PWP1: variants seen among roughly 807,000 people sequenced by gnomAD.
PWP1 encodes the protein periodic tryptophan protein 1 homolog.
PWP1 carries 47 observed loss-of-function variants against 69.9 expected under a neutral mutation model. The observed-to-expected ratio is 0.67, with a 90% CI of 0.53 to 0.86. The LOEUF is 0.86. PWP1 is among the 40% of genes least tolerant of loss of function. The probability of loss-of-function intolerance (pLI) is 0.00; values close to 1 mark genes in which losing one functional copy is unlikely to be tolerated. For synonymous variants in PWP1, 222 were observed against 208.2 expected, an observed-to-expected ratio of 1.07 and a Z score of -0.57; for missense variants, 551 against 608.8, an observed-to-expected ratio of 0.91 and a Z score of 1.00.
chr12:107,711,015 G>A (rs747495210), intron 14 of PWP1, among the ~76,000 whole-genome samples: 1 of 152,134 alleles, frequency 6.6e-6, no homozygotes, highest in Non-Finnish European at 1.5e-5. Flanking sequence ...TGGGAAATCA[G>A]GGGTCTCACA....
intron 1 of PWP1, among the ~76,000 whole-genome samples, chr12:107,687,883 T>C (rs1262896919): frequency 6.6e-6 from 1 of 151,234 alleles, no homozygotes; most frequent in Non-Finnish European, 1.5e-5. Flanking sequence ...ATACAAAAAT[T>C]AGCTGGGCGT....
chr12:107,692,514 T>G (rs1889499910), intron 3 of PWP1, among the ~76,000 whole-genome samples: 1 of 152,214 alleles, frequency 6.6e-6, no homozygotes, highest in Non-Finnish European at 1.5e-5. Context: ...TGCAGGGAGC[T>G]AGCTAGAGAA....
In PWP1 at chr12:107,702,988, C is replaced by T. The variant is rs766392451; in HGVS notation, c.860C>T (p.Ser287Phe). The T allele has an allele frequency of 5.0e-6, 8 of 1,612,286 alleles. No homozygotes were observed. In the Admixed American group the frequency reaches 1.2e-4, roughly 24 times the overall value. The change falls in exon 9 of 15, where the codon TCC becomes TTC. Residue 287 changes from serine (S) to phenylalanine (F), a missense_variant. Transcript: ENST00000412830. ...AACACTGTAATTCTGTGGGATATGTCCTTGGGGAAACCAGCAGCTAGCCTC... is the reference window on the plus strand; with the variant it reads ...AACACTGTAATTCTGTGGGATATGTTCTTGGGGAAACCAGCAGCTAGCCTC... ...ADNTVILWDMSLGKPAASLAV... is the reference protein window; with the variant it reads ...ADNTVILWDMFLGKPAASLAV...
At chr12:107,707,449 G>A (rs1307727549) in intron 11 of PWP1, among the ~76,000 whole-genome samples, 5 of 152,222 alleles carry the variant, frequency 3.3e-5, no homozygotes, top group African/African-American at 1.2e-4. Flanking sequence ...TAGGAGTGGT[G>A]AGAGAGGGCA....
intron 8 of PWP1, among the ~76,000 whole-genome samples, chr12:107,700,744 ATAC>A (rs1889691999): frequency 6.6e-6 from 1 of 152,188 alleles, no homozygotes; most frequent in African/African-American, 2.4e-5. Context: ...AGGAGCCACC[ATAC>A]TATTTTCCAT....
chr12:107,690,723 A>T (rs977845448), intron 3 of PWP1, among the ~76,000 whole-genome samples: 1 of 151,968 alleles, frequency 6.6e-6, no homozygotes, highest in Non-Finnish European at 1.5e-5. Flanking sequence ...GGCCTGAAAA[A>T]CTCCAGCAAT....
intron 7 of PWP1, among the ~76,000 whole-genome samples, chr12:107,698,160 G>A (rs1437193533): frequency 6.6e-6 from 1 of 152,110 alleles, no homozygotes; most frequent in Non-Finnish European, 1.5e-5. Context: ...TCAGGAGTTC[G>A]AGACCAGCCT....
At chr12:107,699,511 T>C in intron 8 of PWP1, 77 bp downstream of exon 8, 2 of 1,200,344 alleles carry the variant, frequency 1.7e-6, no homozygotes, top group South Asian at 2.6e-5. Context: ...CACTCATCTC[T>C]TTATTTGTGC....
intron 8 of PWP1, among the ~76,000 whole-genome samples, chr12:107,702,117 G>GTTGT (rs1424601726): frequency 6.6e-6 from 1 of 152,132 alleles, no homozygotes; most frequent in Non-Finnish European, 1.5e-5. Context: ...GTAGCACATT[G>GTTGT]TTGTGATTGC....
intron 11 of PWP1, among the ~76,000 whole-genome samples, chr12:107,706,596 C>T (rs1593149335): frequency 6.6e-6 from 1 of 152,300 alleles, no homozygotes; most frequent in Admixed American, 6.5e-5. Flanking sequence ...AGGAAGGGAT[C>T]CAGTTTCAGC....
chr12:107,709,084 A>C (rs139441642), intron 12 of PWP1, 27 bp from the exon 13 acceptor site: 27 of 1,613,698 alleles, frequency 1.7e-5, no homozygotes, highest in Non-Finnish European at 2.0e-5. Context: ...TTTCAAAGCG[A>C]AAGTGTCTAA....
intron 3 of PWP1, among the ~76,000 whole-genome samples, chr12:107,689,610 G>T (rs1433157871): frequency 2.0e-5 from 3 of 152,210 alleles, no homozygotes; most frequent in Non-Finnish European, 4.4e-5. Context: ...GCCAGGCGTG[G>T]TGGCGCACAT....
chr12:107,702,873 T>C (rs1395000502), intron 8 of PWP1, 62 bp from the exon 9 acceptor site: 3 of 1,017,532 alleles, frequency 2.9e-6, no homozygotes, highest in African/African-American at 1.6e-5. Flanking sequence ...TGCAATCCTT[T>C]TCTCATATTT....
At chr12:107,702,753 G>T (rs867594716) in intron 8 of PWP1, among the ~76,000 whole-genome samples, 182 bp from the exon 9 acceptor site, 1 of 152,132 alleles carries the variant, frequency 6.6e-6, no homozygotes, top group Non-Finnish European at 1.5e-5. Flanking sequence ...CACTTATTTA[G>T]ATACTCTTGT....
At chr12:107,686,429 G>T (rs1889366783) in intron 1 of PWP1, among the ~76,000 whole-genome samples, 1 of 152,202 alleles carries the variant, frequency 6.6e-6, no homozygotes, top group Admixed American at 6.5e-5. Context: ...AGAAAAACTG[G>T]TGTGGAGGCT....
chr12:107,703,619 CAT>C (rs545031620), intron 9 of PWP1, 64 bp from the exon 10 acceptor site: 249 of 1,293,378 alleles, frequency 1.9e-4, no homozygotes, highest in East Asian at 9.9e-4. Context: ...ATTCTTACCA[CAT>C]GTTAGGTAAT....
At chr12:107,703,218 G>GA (rs1450706668) in intron 9 of PWP1, among the ~76,000 whole-genome samples, 187 bp downstream of exon 9, 5 of 152,102 alleles carry the variant, frequency 3.3e-5, no homozygotes, top group African/African-American at 7.2e-5. Context: ...TCTTAGAGAT[G>GA]AAAAAATGGG....
In PWP1 at chr12:107,697,538, G is replaced by C; in HGVS notation, c.685G>C (p.Glu229Gln). Reference protein sequence around the residue: ...VWDLDIVDSLEPVFTLGSKLS... With the variant: ...VWDLDIVDSLQPVFTLGSKLS... Reference sequence around the variant, plus strand: ...GGACCTTGATATAGTGGACTCTTTAGAGCCAGTCTTCACACTCGGAAGTAA... The same window carrying C: ...GGACCTTGATATAGTGGACTCTTTACAGCCAGTCTTCACACTCGGAAGTAA... The change falls in exon 7 of 15, where the codon GAG (glutamate) becomes CAG (glutamine). Residue 229 changes from glutamate to glutamine, a missense_variant. Physicochemically the swap from Glu to Gln is conservative, Grantham distance 29. Transcript: ENST00000412830. The C allele has an allele frequency of 6.2e-7, 1 of 1,610,584 alleles. No individual in the cohort carries two copies. The highest frequency in any genetic ancestry group is 8.5e-7 in the Non-Finnish European group (1 of 1,178,770).
chr12:107,698,674 G>A (rs952238624), intron 7 of PWP1, among the ~76,000 whole-genome samples: 8 of 152,106 alleles, frequency 5.3e-5, no homozygotes, highest in Non-Finnish European at 1.0e-4. Context: ...AGCCTGAAAC[G>A]CCTAGGCTCA....
Sources: gnomAD v4.1 joint callset for allele counts (sites outside exome capture counted in the v4.1 genomes callset) on GRCh38, gnomAD v4.1.1 for gene constraint, MANE v1.5 for transcripts, NCBI Gene and HGNC (gene_info 2026-07-23, HGNC 2026-07-21) for gene names.